The following OR2L13 variants were observed in gnomAD, a reference collection of about 807,000 sequenced individuals.
OR2L13 encodes olfactory receptor family 2 subfamily L member 13, also known as olfactory receptor 2L13.
A neutral mutation model predicts 15.3 loss-of-function variants in OR2L13; 14 were observed. The ratio of observed to expected loss-of-function variants is 0.91; its 90% CI spans 0.60 to 1.43. The LOEUF is 1.43. Ranked by LOEUF, OR2L13 falls within the 40% of genes most tolerant of loss-of-function variation. OR2L13 has a pLI of 0.00. For synonymous variants in OR2L13, 152 were observed against 142.9 expected (o/e 1.06, Z -0.45); for missense variants, 367 against 387.9 (o/e 0.95, Z 0.45).
the OR2L13 span, chr1:248,022,094 C>G: frequency 3.7e-6 from 6 of 1,613,778 alleles, no homozygotes; most frequent in Admixed American, 6.7e-5. Context: ...TTCTCATCTT[C>G]TTGGACACCC....
At chr1:248,028,538 A>G in the OR2L13 span, among the ~76,000 whole-genome samples, 1 of 152,242 alleles carries the variant, frequency 6.6e-6, no homozygotes, top group African/African-American at 2.4e-5. Context: ...GAATACAGAC[A>G]TGGAAAAATG....
chr1:248,101,129 T>C (rs1360434999), downstream of OR2L13: 1 of 152,082 alleles, frequency 6.6e-6, no homozygotes, highest in Non-Finnish European at 1.5e-5. Context: ...TATGTATACA[T>C]AAAAATTAAT....
chr1:248,023,380 G>A, the OR2L13 span: 1 of 152,148 alleles, frequency 6.6e-6, no homozygotes, highest in South Asian at 2.1e-4. Context: ...TATGTCTGGG[G>A]TGAAGCCAAT....
the OR2L13 span, chr1:248,035,526 C>A: frequency 6.6e-6 from 1 of 152,078 alleles, no homozygotes; most frequent in African/African-American, 2.4e-5. Context: ...ATAATTTTTA[C>A]ATCACTTTAA....
chr1:248,099,662 G>A, exon 3 of OR2L13: 1 of 1,614,192 alleles, frequency 6.2e-7, no homozygotes. Flanking sequence ...TTCCTGGGAT[G>A]TGGTGTGCAA....
the OR2L13 span, among the ~76,000 whole-genome samples, chr1:248,044,599 C>T: frequency 1.2e-5 from 1 of 86,128 alleles, no homozygotes; most frequent in South Asian, 2.6e-4. Flanking sequence ...GTCAGGAGAT[C>T]GAGACCATCC....
At chr1:248,099,615 G>A in exon 3 of OR2L13, 1 of 1,613,902 alleles carries the variant, frequency 6.2e-7, no homozygotes, top group Non-Finnish European at 8.5e-7. Context: ...TCCCCAAGAT[G>A]GCGTACAACT....
chr1:248,087,878 T>C, the OR2L13 span, among the ~76,000 whole-genome samples: 1 of 152,204 alleles, frequency 6.6e-6, no homozygotes, highest in East Asian at 1.9e-4. Context: ...AGAATTCTGA[T>C]CATTGATAAT....
At chr1:248,063,421 T>TTGTTTTATAAATCAGAC in the OR2L13 span, 1 of 152,260 alleles carries the variant, frequency 6.6e-6, no homozygotes, top group African/African-American at 2.4e-5. Flanking sequence ...AATTTTGAAC[T>TTGTTTTATAAATCAGAC]TGTTTTATAA....
the OR2L13 span, among the ~76,000 whole-genome samples, chr1:247,983,651 T>A: frequency 1.3e-5 from 2 of 152,184 alleles, no homozygotes; most frequent in Non-Finnish European, 2.9e-5. Context: ...GGCTCTAATT[T>A]TATTTAAATA....
At chr1:248,067,895 A>G in the OR2L13 span, among the ~76,000 whole-genome samples, 20 of 152,320 alleles carry the variant, frequency 1.3e-4, no homozygotes, top group South Asian at 1.9e-3. Flanking sequence ...GCTGATTGCT[A>G]GCACAGCAGT....
At chr1:247,978,153 C>A in the OR2L13 span, among the ~76,000 whole-genome samples, 1 of 152,158 alleles carries the variant, frequency 6.6e-6, no homozygotes, top group Admixed American at 6.5e-5. Flanking sequence ...GTCTTCGGGT[C>A]CGCACCACCT....
At chr1:248,019,979 G>A in the OR2L13 span, among the ~76,000 whole-genome samples, 1 of 152,090 alleles carries the variant, frequency 6.6e-6, no homozygotes, top group African/African-American at 2.4e-5. Context: ...GTAGAAACAG[G>A]ATTTTTCCAT....
the OR2L13 span, chr1:248,060,793 C>T: frequency 6.2e-7 from 1 of 1,613,956 alleles, no homozygotes; most frequent in Non-Finnish European, 8.5e-7. Flanking sequence ...CCTAATGGCT[C>T]TAATTGGAAA....
chr1:248,095,607 C>CTTTTGTTTTTTTTTTTTTT (rs1664715750), upstream of OR2L13, among the ~76,000 whole-genome samples: 2 of 37,294 alleles, frequency 5.4e-5, 1 homozygote, highest in Non-Finnish European at 1.1e-4. Flanking sequence ...AAAGCTGCTG[C>CTTTTGTTTTTTTTTTTTTT]TTTTTTTTTT....
At chr1:248,073,656 T>C in the OR2L13 span, among the ~76,000 whole-genome samples, 1 of 150,306 alleles carries the variant, frequency 6.7e-6, no homozygotes, top group Non-Finnish European at 1.5e-5. Context: ...ATTAAAAAAA[T>C]AAAAAATAAA....
chr1:247,961,419 A>T, the OR2L13 span, among the ~76,000 whole-genome samples: 1 of 152,170 alleles, frequency 6.6e-6, no homozygotes, highest in Non-Finnish European at 1.5e-5. Context: ...AGGCAGATAG[A>T]TGAGAAAGGA....
the OR2L13 span, among the ~76,000 whole-genome samples, chr1:248,072,269 C>T: frequency 6.0e-4 from 91 of 152,210 alleles, no homozygotes; most frequent in Non-Finnish European, 1.1e-3. Flanking sequence ...GGTACTGGTA[C>T]CAAAACAGAA....
Position 248,099,876 on chromosome 1 carries a change from C to A in OR2L13, c.501C>A (p.Tyr167Ter), listed in dbSNP as rs1405238057. The change falls in exon 3 of 3, where the codon TAC becomes TAA. Residue 167 changes from tyrosine (Y) to a stop codon, truncating the protein, a stop_gained. Transcript: ENST00000641714. LOFTEE classifies it high-confidence loss of function. Reference sequence around the variant, plus strand: ...CAGTCTTTGCCCTTCATATTCCCTACTGCAGGTCTAGGGCTATTGACCATT... The same window carrying A: ...CAGTCTTTGCCCTTCATATTCCCTAATGCAGGTCTAGGGCTATTGACCATT... The A allele has an allele frequency of 2.5e-6, 4 of 1,614,030 alleles. No homozygotes were observed. Among genetic ancestry groups the A allele is most frequent in the Non-Finnish European group, 3.4e-6 (4 of 1,180,016 alleles).
Sources: allele counts gnomAD v4.1 joint callset (sites outside exome capture counted in the v4.1 genomes callset), GRCh38; gene constraint gnomAD v4.1.1; transcripts MANE v1.5; gene names NCBI Gene and HGNC (gene_info 2026-07-23, HGNC 2026-07-21).